The following ZBTB20 variants were observed in gnomAD, a reference collection of about 807,000 sequenced individuals.
The protein encoded by ZBTB20 is zinc finger and BTB domain-containing protein 20.
ZBTB20 carries 9 observed loss-of-function variants against 56.9 expected under a neutral mutation model. That is an observed-to-expected ratio of 0.16 (90% CI 0.10 to 0.28). The LOEUF is 0.28. Among genes scored for constraint, ZBTB20 ranks in the 10% least tolerant of loss-of-function variants. ZBTB20 has a pLI of 1.00. For synonymous variants in ZBTB20, 417 were observed against 420.7 expected (o/e 0.99, Z 0.11); for missense variants, 655 against 1,003.0 (o/e 0.65, Z 4.69).
chr3:114,801,334 A>G (rs1321560513), intron 4 of ZBTB20, among the ~76,000 whole-genome samples, 160 bp from the exon 5 acceptor site: 1 of 149,550 alleles, frequency 6.7e-6, no homozygotes, highest in Non-Finnish European at 1.5e-5. Context: ...GTTAAGGAAA[A>G]AAAAAAAAAA....
At chr3:114,901,141 A>C (rs1242618775) in intron 3 of ZBTB20, among the ~76,000 whole-genome samples, 1 of 152,086 alleles carries the variant, frequency 6.6e-6, no homozygotes, top group South Asian at 2.1e-4. Context: ...GTGGTGGCTC[A>C]CGCCTGTAAT....
chr3:114,453,933 C>CA (rs1553717132), intron 7 of ZBTB20, among the ~76,000 whole-genome samples: 1 of 113,036 alleles, frequency 8.8e-6, no homozygotes, highest in Non-Finnish European at 1.8e-5. Flanking sequence ...CCCCCCCCCC[C>CA]ACCCTTCCCT....
At chr3:114,477,216 A>G (rs1325818155) in intron 7 of ZBTB20, among the ~76,000 whole-genome samples, 1 of 152,242 alleles carries the variant, frequency 6.6e-6, no homozygotes, top group African/African-American at 2.4e-5. Flanking sequence ...TGCTTATTTC[A>G]AAGATACGAC....
At chr3:114,877,442 C>G (rs2076241203) in intron 4 of ZBTB20, among the ~76,000 whole-genome samples, 1 of 152,196 alleles carries the variant, frequency 6.6e-6, no homozygotes, top group Admixed American at 6.5e-5. Context: ...AAGCCTCTAT[C>G]AACCTACGGG....
chr3:114,577,167 AAT>A (rs1353985460), intron 6 of ZBTB20, among the ~76,000 whole-genome samples: 1 of 152,178 alleles, frequency 6.6e-6, no homozygotes, highest in African/African-American at 2.4e-5. Flanking sequence ...AATAATATGT[AAT>A]GCTTAGTGAC....
intron 10 of ZBTB20, among the ~76,000 whole-genome samples, chr3:114,357,823 A>G (rs1439688239): frequency 6.6e-6 from 1 of 152,212 alleles, no homozygotes; most frequent in Non-Finnish European, 1.5e-5. Context: ...CCATTTACTT[A>G]AGTTGAGCTG....
intron 6 of ZBTB20, among the ~76,000 whole-genome samples, chr3:114,561,346 T>C (rs2052023147): frequency 6.6e-6 from 1 of 152,154 alleles, no homozygotes; most frequent in Non-Finnish European, 1.5e-5. Context: ...TTCCAGAAGG[T>C]TTTCAATTTA....
intron 2 of ZBTB20, among the ~76,000 whole-genome samples, chr3:115,040,620 A>G (rs1372739828): frequency 6.6e-6 from 1 of 152,136 alleles, no homozygotes; most frequent in Non-Finnish European, 1.5e-5. Flanking sequence ...GAGTGAAAAT[A>G]AGACTGACAA....
At chr3:114,730,964 G>A (rs562231035) in intron 5 of ZBTB20, among the ~76,000 whole-genome samples, 2 of 152,236 alleles carry the variant, frequency 1.3e-5, no homozygotes, top group Admixed American at 6.5e-5. Context: ...TTTAATCTAG[G>A]TCTATCTTCC....
At chr3:115,059,994 T>A (rs942902066) in intron 2 of ZBTB20, among the ~76,000 whole-genome samples, 4 of 152,214 alleles carry the variant, frequency 2.6e-5, no homozygotes, top group Admixed American at 6.5e-5. Flanking sequence ...TGTATAGTAA[T>A]TCCTTATCTT....
intron 5 of ZBTB20, among the ~76,000 whole-genome samples, chr3:114,698,965 G>C (rs888051039): frequency 2.0e-5 from 3 of 152,064 alleles, no homozygotes; most frequent in Non-Finnish European, 4.4e-5. Context: ...GAATGCACTA[G>C]AAAGGCCTGA....
chr3:114,619,384 G>A (rs1329240692), intron 6 of ZBTB20, among the ~76,000 whole-genome samples: 1 of 151,988 alleles, frequency 6.6e-6, no homozygotes, highest in Non-Finnish European at 1.5e-5. Context: ...ATAAACTCCA[G>A]GAAAAAAATT....
At position 114,805,853 on chromosome 3, in the gene ZBTB20, C is replaced by G. The variant is rs959023478; in HGVS notation, c.-416-4679G>C. Among the ~76,000 whole-genome samples the G allele has an allele frequency of 1.4e-4, 22 of 151,864 alleles. 1 individual carries two copies. The highest frequency in any genetic ancestry group is 1.2e-3 in the Admixed American group (18 of 15,226). On this transcript the variant is annotated intron_variant, in intron 4 of 11. Transcript: ENST00000675478. ...TTAATGCAATCAAATAATATGTGAT[C>G]TCTTTCATGTAGCTTTTTCACTTAT...
intron 3 of ZBTB20, among the ~76,000 whole-genome samples, chr3:114,963,604 A>T (rs2107989072): frequency 6.6e-6 from 1 of 152,332 alleles, no homozygotes; most frequent in East Asian, 1.9e-4. Context: ...TATACATATT[A>T]AAAAATGTTT....
At chr3:114,960,098 A>G (rs1484483624) in intron 3 of ZBTB20, among the ~76,000 whole-genome samples, 1 of 152,206 alleles carries the variant, frequency 6.6e-6, no homozygotes, top group Non-Finnish European at 1.5e-5. Context: ...GAGCCTCTCT[A>G]TCTAGGCTTC....
chr3:114,400,631 C>T (rs1351443869), intron 7 of ZBTB20, among the ~76,000 whole-genome samples: 2 of 152,120 alleles, frequency 1.3e-5, no homozygotes, highest in Non-Finnish European at 2.9e-5. Context: ...GTAGAAGCCA[C>T]AGTGAATCCT....
intron 6 of ZBTB20, among the ~76,000 whole-genome samples, chr3:114,619,777 G>C (rs1451158755): frequency 2.0e-5 from 3 of 152,142 alleles, no homozygotes; most frequent in Non-Finnish European, 4.4e-5. Flanking sequence ...ACCTCAAACA[G>C]GGCATTTAAT....
chr3:115,031,606 T>C (rs772616545), intron 2 of ZBTB20, among the ~76,000 whole-genome samples: 2 of 151,482 alleles, frequency 1.3e-5, no homozygotes, highest in South Asian at 2.1e-4. Context: ...CTTATGTCTT[T>C]GTTTCATAAA....
intron 5 of ZBTB20, among the ~76,000 whole-genome samples, chr3:114,766,892 T>TTC (rs1487479433): frequency 6.6e-6 from 1 of 152,050 alleles, no homozygotes; most frequent in African/African-American, 2.4e-5. Context: ...CCCAAACTCA[T>TTC]TCTCTCTAAA....
Sources: gnomAD v4.1 joint callset for allele counts (sites outside exome capture counted in the v4.1 genomes callset) on GRCh38, gnomAD v4.1.1 for gene constraint, MANE v1.5 for transcripts, NCBI Gene and HGNC (gene_info 2026-07-23, HGNC 2026-07-21) for gene names.